NEB: variants seen among roughly 807,000 people sequenced by gnomAD.
The protein encoded by NEB is nebulin, also known as nemaline myopathy type 2.
In NEB, 512 loss-of-function variants were observed where a neutral mutation model predicts 952.2. The observed-to-expected ratio is 0.54, with a 90% CI of 0.50 to 0.58. NEB has a LOEUF of 0.58. NEB is among the 20% of genes least tolerant of loss of function. The pLI is 0.00. For synonymous variants in NEB, 2,900 were observed against 3,149.8 expected (o/e 0.92, Z 2.66); for missense variants, 8,428 against 9,231.1 (o/e 0.91, Z 3.56).
intron 57 of NEB, 132 bp downstream of exon 57, chr2:151,643,686 T>G: frequency 7.1e-7 from 1 of 1,404,960 alleles, no homozygotes; most frequent in Non-Finnish European, 9.6e-7. Context: ...CCTCCAGATG[T>G]CTGGGTGACT....
chr2:151,514,509 A>G, intron 158 of NEB, 81 bp from the exon 159 acceptor site: 1 of 1,157,946 alleles, frequency 8.6e-7, no homozygotes, highest in South Asian at 1.2e-5. Flanking sequence ...ATAAAAAACA[A>G]TTCCAATTTT....
At position 151,677,631 on chromosome 2, in the gene NEB, T is replaced by C. The variant is rs1195608343; in HGVS notation, c.3708A>G (p.Lys1236=). 1 of 1,613,964 alleles carries C rather than the reference T, an allele frequency of 6.2e-7. No homozygotes were observed. Among genetic ancestry groups the C allele is most frequent in the East Asian group, 2.2e-5 (1 of 44,882 alleles). ...KKYRQHPDTL[K]FTSIVDSPVM... ...CTGGGGAGTCCACAATGCTGGTAAATTTGAGGGTGTCTGGATGTTGCCTGT... is the reference window on the plus strand; with the variant it reads ...CTGGGGAGTCCACAATGCTGGTAAACTTGAGGGTGTCTGGATGTTGCCTGT... The change falls in exon 34 of 182, where the codon AAA becomes AAG. Residue 1236 remains lysine (K), a synonymous_variant. Coordinates refer to ENST00000397345, the MANE Select transcript of NEB (RefSeq NM_001164508.2).
intron 71 of NEB, among the ~76,000 whole-genome samples, chr2:151,623,065 G>A (rs1272365708): frequency 1.3e-5 from 2 of 152,136 alleles, no homozygotes; most frequent in South Asian, 2.1e-4. Flanking sequence ...TACTTAAAAC[G>A]ATCCATGCCA....
rs192754055 is a variant in NEB, at chr2:151,505,376, G to T, written c.23742+102C>A. ...AGGGAGAATTCACAACATCCCCAAG[G>T]CATGGAAGCTCTTGATAGGAAGCAG... On this transcript the variant is annotated intron_variant, in intron 165 of 181. Coordinates refer to ENST00000397345, the MANE Select transcript of NEB (RefSeq NM_001164508.2). 220 of 1,008,832 alleles carry T rather than the reference G, an allele frequency of 2.2e-4. 1 individual carries two copies. Among genetic ancestry groups the T allele is most frequent in the Non-Finnish European group, 3.7e-5 (24 of 649,020 alleles). The allele number at this position is 1,008,832 out of a possible 1,614,324, so 62.5% of individuals were successfully genotyped here.
chr2:151,507,499 AC>A (rs1232842311), intron 162 of NEB, among the ~76,000 whole-genome samples: 4 of 152,196 alleles, frequency 2.6e-5, no homozygotes, highest in African/African-American at 9.7e-5. Context: ...TCCTCCCTAG[AC>A]CCAGAGGAAA....
In NEB at chr2:151,519,084, G is replaced by A; in HGVS notation, c.22591-15C>T. On this transcript the variant is annotated splice_polypyrimidine_tract_variant and intron_variant, in intron 154 of 181. Transcript: ENST00000397345. ...TTGTATTTAACCTGTGTGTTATGGGGGAAGAAAGGAAATCACGTAAATAGG... is the reference window on the plus strand; with the variant it reads ...TTGTATTTAACCTGTGTGTTATGGGAGAAGAAAGGAAATCACGTAAATAGG... 4 of 1,510,774 alleles carry A rather than the reference G, an allele frequency of 2.6e-6. No homozygotes were observed. Among genetic ancestry groups the A allele is most frequent in the Non-Finnish European group, 3.7e-6 (4 of 1,086,372 alleles). The allele number at this position is 1,510,774 out of a possible 1,614,324, so 93.6% of individuals were successfully genotyped here.
chr2:151,501,579 G>A, intron 167 of NEB, 96 bp from the exon 168 acceptor site: 2 of 603,678 alleles, frequency 3.3e-6, no homozygotes, highest in Non-Finnish European at 5.3e-6. Context: ...TATTTTTATT[G>A]TTGTTTTTAT....
chr2:151,568,261 C>T, intron 112 of NEB, 55 bp downstream of exon 112: 1 of 1,592,014 alleles, frequency 6.3e-7, no homozygotes. Context: ...TCCTACAGTT[C>T]CATTAAGGCC....
At chr2:151,684,037 G>A (rs1046608127) in intron 28 of NEB, among the ~76,000 whole-genome samples, 7 of 152,154 alleles carry the variant, frequency 4.6e-5, no homozygotes, top group Non-Finnish European at 1.0e-4. Flanking sequence ...ACAAAGCGTA[G>A]ATTGGTGGTT....
chr2:151,628,772 G>C (rs2154065686), intron 68 of NEB, among the ~76,000 whole-genome samples: 1 of 152,242 alleles, frequency 6.6e-6, no homozygotes, highest in South Asian at 2.1e-4. Flanking sequence ...TGAGGCAGGA[G>C]AATCACTTGA....
At chr2:151,555,187 C>A (rs2095570788) in intron 124 of NEB, 143 bp from the exon 125 acceptor site, 5 of 632,208 alleles carry the variant, frequency 7.9e-6, no homozygotes, top group African/African-American at 7.3e-5. Context: ...ACTCATTTCC[C>A]CACCTGTACA....
intron 50 of NEB, 133 bp downstream of exon 50, chr2:151,655,684 T>C (rs1339088680): frequency 1.2e-6 from 1 of 866,364 alleles, no homozygotes; most frequent in African/African-American, 1.7e-5. Context: ...GAAGATGGTG[T>C]AGGGGAATGA....
chr2:151,563,567 TG>T (rs1357670106), intron 119 of NEB, 38 bp downstream of exon 119: 6 of 1,540,804 alleles, frequency 3.9e-6, no homozygotes, highest in Non-Finnish European at 5.4e-6. Flanking sequence ...AGCACACTTA[TG>T]GGGCACAAAT....
At chr2:151,541,221 T>C (rs539735480) in intron 136 of NEB, among the ~76,000 whole-genome samples, 8 of 152,164 alleles carry the variant, frequency 5.3e-5, no homozygotes, top group Non-Finnish European at 4.4e-5. Context: ...AACACAAGTT[T>C]TATAACACTT....
intron 161 of NEB, among the ~76,000 whole-genome samples, chr2:151,512,054 A>T (rs2074892219): frequency 9.0e-6 from 1 of 111,460 alleles, no homozygotes; most frequent in Non-Finnish European, 1.7e-5. Flanking sequence ...TTTTTGAGAC[A>T]GAGTCTTGCT....
At chr2:151,723,607 A>G (rs547715993) in intron 8 of NEB, 121 bp from the exon 9 acceptor site, 18 of 638,450 alleles carry the variant, frequency 2.8e-5, no homozygotes, top group African/African-American at 1.7e-4. Flanking sequence ...GCAAAGGTAA[A>G]TGAAATTCAC....
intron 67 of NEB, 118 bp from the exon 68 acceptor site, chr2:151,629,764 T>G (rs1308150274): frequency 3.8e-6 from 3 of 780,010 alleles, no homozygotes; most frequent in Non-Finnish European, 4.2e-6. Flanking sequence ...CAATTCAAGT[T>G]TCTGGCAATA....
chr2:151,518,899 G>T, intron 155 of NEB, 66 bp downstream of exon 155: 2 of 1,069,454 alleles, frequency 1.9e-6, no homozygotes, highest in Non-Finnish European at 2.9e-6. Flanking sequence ...ATGCATCTGG[G>T]CTCAGAAAGA....
At chr2:151,645,992 C>A in intron 55 of NEB, 138 bp downstream of exon 55, 2 of 658,920 alleles carry the variant, frequency 3.0e-6, no homozygotes, top group Non-Finnish European at 5.1e-6. Flanking sequence ...CTAAAAGCCA[C>A]TAAATAAGGA....
Sources: gnomAD v4.1 joint callset for allele counts (sites outside exome capture counted in the v4.1 genomes callset) on GRCh38, gnomAD v4.1.1 for gene constraint, MANE v1.5 for transcripts, NCBI Gene and HGNC (gene_info 2026-07-23, HGNC 2026-07-21) for gene names.